The following ALG13 variants were observed in gnomAD, a reference collection of about 807,000 sequenced individuals.
The protein encoded by ALG13 is ALG13 UDP-N-acetylglucosaminyltransferase subunit, also known as UDP-N-acetylglucosamine transferase subunit ALG13.
Under a neutral mutation model 87.8 loss-of-function variants are expected in ALG13, and 11 were observed. The observed-to-expected ratio is 0.13, with a 90% CI of 0.08 to 0.21. The LOEUF (loss-of-function observed/expected upper bound fraction) is 0.21, where lower values mean the gene tolerates loss of function less well. ALG13 is among the 10% of genes least tolerant of loss of function. ALG13 has a pLI of 1.00. For missense variants in ALG13, 756 were observed against 866.1 expected (o/e 0.87, Z 1.60); for synonymous variants, 320 against 306.3 (o/e 1.04, Z -0.47).
At position 111,752,900 on chromosome X, in the gene ALG13, T is replaced by G. The variant is rs1944885528; in HGVS notation, c.2973+70T>G. 17 of 844,055 alleles carry G rather than the reference T, an allele frequency of 2.0e-5. No homozygotes were observed. In the South Asian group the frequency reaches 4.1e-4, roughly 20 times the overall value. 69.6% of individuals were successfully genotyped at this position (844,055 alleles called of 1,213,427 possible). On this transcript the variant is annotated intron_variant, in intron 25 of 26. Coordinates refer to ENST00000394780, the MANE Select transcript of ALG13 (RefSeq NM_001099922.3). ...GTATAGACCGTTTTGATAATCAGAC[T>G]CTTGAACTTCGAAAGCCAAAATCAC...
At chrX:111,700,777 G>C (rs1937716429) in intron 3 of ALG13, among the ~76,000 whole-genome samples, 2 of 93,950 alleles carry the variant, frequency 2.1e-5, no homozygotes, top group Non-Finnish European at 4.1e-5. Flanking sequence ...TTTTTTAGTA[G>C]AGATGCGGTT....
intron 3 of ALG13, among the ~76,000 whole-genome samples, chrX:111,702,722 G>A (rs1938099401): frequency 9.1e-6 from 1 of 109,566 alleles, no homozygotes; most frequent in Admixed American, 9.8e-5. Flanking sequence ...CTCTTGTGTT[G>A]AATCTCCTAT....
chrX:111,752,917 C>A (rs1944887650), intron 25 of ALG13, 87 bp downstream of exon 25: 1 of 656,554 alleles, frequency 1.5e-6, no homozygotes, highest in Non-Finnish European at 2.3e-6. Flanking sequence ...CTTCGAAAGC[C>A]AAAATCACTA....
chrX:111,739,397 A>G (rs141989858), intron 23 of ALG13, among the ~76,000 whole-genome samples: 2,238 of 112,205 alleles, frequency 0.02, 58 homozygotes, highest in African/African-American at 0.068. Flanking sequence ...GACAGAGTCA[A>G]ACCATAAGTT....
chrX:111,700,522 T>C (rs1937631034), intron 3 of ALG13, among the ~76,000 whole-genome samples: 1 of 110,161 alleles, frequency 9.1e-6, no homozygotes, highest in Non-Finnish European at 1.9e-5. Flanking sequence ...TGGTGTTTAT[T>C]GTACTGATAT....
chrX:111,684,883 C>G, intron 2 of ALG13, 82 bp from the exon 3 acceptor site: 2 of 988,573 alleles, frequency 2.0e-6, no homozygotes, highest in Non-Finnish European at 2.7e-6. Flanking sequence ...AGTTTTTTAA[C>G]TTTTGATTTC....
intron 18 of ALG13, 101 bp downstream of exon 18, chrX:111,727,871 C>A: frequency 1.2e-6 from 1 of 861,985 alleles, no homozygotes; most frequent in Non-Finnish European, 1.6e-6. Context: ...GTACAAATAA[C>A]CAAACAAAGC....
At chrX:111,749,956 C>T (rs1444431614) in intron 24 of ALG13, among the ~76,000 whole-genome samples, 1 of 111,378 alleles carries the variant, frequency 9.0e-6, no homozygotes, top group Non-Finnish European at 1.9e-5. Flanking sequence ...TGGTACTATT[C>T]CACTTTGTGT....
At chrX:111,730,031 G>C (rs1278062780) in intron 19 of ALG13, among the ~76,000 whole-genome samples, 1 of 112,094 alleles carries the variant, frequency 8.9e-6, no homozygotes, top group Non-Finnish European at 1.9e-5. Flanking sequence ...TAAATAACTT[G>C]CCTAAAGTCA....
chrX:111,681,934 A>C (rs1381398219), intron 1 of ALG13, 198 bp from the exon 2 acceptor site: 1 of 874,697 alleles, frequency 1.1e-6, no homozygotes, highest in Non-Finnish European at 1.4e-6. Context: ...GGTCGCTTAG[A>C]TTCATGAGTG....
At chrX:111,700,244 C>T (rs370490230) in intron 3 of ALG13, among the ~76,000 whole-genome samples, 1 of 110,735 alleles carries the variant, frequency 9.0e-6, no homozygotes, top group East Asian at 2.8e-4. Context: ...CAACTTTACT[C>T]ATTTTTTTAA....
chrX:111,722,906 T>C, intron 13 of ALG13, 49 bp downstream of exon 13: 1 of 904,026 alleles, frequency 1.1e-6, no homozygotes, highest in East Asian at 3.2e-5. Context: ...ATGTGCTTTT[T>C]GTCATGATAT....
At chrX:111,729,865 C>T (rs975254780) in intron 19 of ALG13, among the ~76,000 whole-genome samples, 4 of 111,818 alleles carry the variant, frequency 3.6e-5, no homozygotes, top group Non-Finnish European at 7.5e-5. Context: ...CCTAAGGAAA[C>T]AGTGGATTAT....
rs370511440 is a variant in ALG13 at position 111,708,005 on chromosome X, G to T, written c.384-22G>T. On this transcript the variant is annotated intron_variant, in intron 3 of 26. Transcript: ENST00000394780. ...GAGTTCCCTATTCCTAGGAGGATTGGCTCTTCCTCTTCTTTTCACAGGGTC... is the reference window on the plus strand; with the variant it reads ...GAGTTCCCTATTCCTAGGAGGATTGTCTCTTCCTCTTCTTTTCACAGGGTC... The T allele has an allele frequency of 1.2e-4, 138 of 1,185,222 alleles. No homozygotes were observed. In the African/African-American group the frequency reaches 2.3e-3, roughly 20 times the overall value.
chrX:111,758,557 G>T (rs1293696836), intron 26 of ALG13, among the ~76,000 whole-genome samples: 4 of 112,269 alleles, frequency 3.6e-5, no homozygotes, highest in Non-Finnish European at 7.5e-5. Flanking sequence ...AATTGTATGA[G>T]GAAATGTGTC....
At position 111,750,551 on chromosome X, in the gene ALG13, A is replaced by G. The variant is rs142508373; in HGVS notation, c.2933-2239A>G. Among the ~76,000 whole-genome samples the G allele has an allele frequency of 5.6e-3, 620 of 111,350 alleles. 3 individuals are homozygous for G. Among genetic ancestry groups the G allele is most frequent in the East Asian group, 0.021 (75 of 3,553 alleles). ...TGAGAACCCTGTGTCAAGCAAATCT[A>G]TTGGCACCATTTTTCCAACAACATG... On this transcript the variant is annotated intron_variant, in intron 24 of 26. Coordinates refer to ENST00000394780, the MANE Select transcript of ALG13 (RefSeq NM_001099922.3).
In ALG13 at chrX:111,688,402, C is replaced by G. The variant is rs926331853; in HGVS notation, c.383+3299C>G. ...AAAAATTTTACATAAGAGTTAGCATCTTTAGCTTTATAATCTAAGGAACCA... is the reference window on the plus strand; with the variant it reads ...AAAAATTTTACATAAGAGTTAGCATGTTTAGCTTTATAATCTAAGGAACCA... On this transcript the variant is annotated intron_variant, in intron 3 of 26. Transcript: ENST00000394780. The G allele has an allele frequency of 4.1e-6, 3 of 733,874 alleles. No individual in the cohort carries two copies. In the African/African-American group the frequency reaches 7.0e-5, roughly 17 times the overall value. The allele number at this position is 733,874 out of a possible 1,213,427, so 60.5% of individuals were successfully genotyped here.
intron 3 of ALG13, among the ~76,000 whole-genome samples, chrX:111,699,297 C>A (rs1450151267): frequency 9.1e-6 from 1 of 110,271 alleles, no homozygotes; most frequent in Non-Finnish European, 1.9e-5. Context: ...AACCCCTTAT[C>A]AGATGTATAG....
rs1569510723 is a variant in ALG13 at position 111,685,074 on chromosome X, A to G, written c.354A>G (p.Lys118=). The G allele has an allele frequency of 1.7e-6, 2 of 1,210,702 alleles. No individual in the cohort carries two copies. The highest frequency in any genetic ancestry group is 1.7e-5 in the African/African-American group (1 of 57,772). Residue 118 remains lysine, a synonymous_variant, in exon 3 of 27, where the codon AAA becomes AAG. Transcript: ENST00000394780. ...TGGAACTGGCAAAGCAGCTACACAA[A>G]GAGGGTCATCTCTTCTATTGTACCT... ...HQLELAKQLH[K]EGHLFYCTCR...
Sources: gnomAD v4.1 joint callset for allele counts (sites outside exome capture counted in the v4.1 genomes callset) on GRCh38, gnomAD v4.1.1 for gene constraint, MANE v1.5 for transcripts, NCBI Gene and HGNC (gene_info 2026-07-23, HGNC 2026-07-21) for gene names.